The following RAPGEF6 variants were observed in gnomAD, a reference collection of about 807,000 sequenced individuals.
The protein encoded by RAPGEF6 is PDZ domain containing guanine nucleotide exchange factor (GEF) 2.
Under a neutral mutation model 171.4 loss-of-function variants are expected in RAPGEF6, and 56 were observed. That is an observed-to-expected ratio of 0.33 (90% confidence interval 0.26 to 0.41). The LOEUF is 0.41. RAPGEF6 is among the 10% of genes least tolerant of loss of function. The probability of loss-of-function intolerance (pLI) is 1.00; values close to 1 mark genes in which losing one functional copy is unlikely to be tolerated. For synonymous variants in RAPGEF6, 692 were observed against 650.1 expected, an observed-to-expected ratio of 1.06 and a Z score of -0.98; for missense variants, 1,674 against 1,921.4, an observed-to-expected ratio of 0.87 and a Z score of 2.41.
chr5:131,436,006 T>C, intron 24 of RAPGEF6: 1 of 1,536,676 alleles, frequency 6.5e-7, no homozygotes, highest in Non-Finnish European at 8.7e-7. Context: ...GTTTAAAGTG[T>C]TACTGTTGCC....
At chr5:131,560,340 G>C (rs1761521395) in intron 5 of RAPGEF6, among the ~76,000 whole-genome samples, 2 of 152,098 alleles carry the variant, frequency 1.3e-5, no homozygotes, top group Admixed American at 6.6e-5. Flanking sequence ...TGCATATTTT[G>C]AATTCATCAA....
chr5:131,599,881 G>C (rs1561595712), intron 3 of RAPGEF6, among the ~76,000 whole-genome samples: 1 of 152,154 alleles, frequency 6.6e-6, no homozygotes, highest in Non-Finnish European at 1.5e-5. Flanking sequence ...ATAGAGAAAT[G>C]ATTTATTCAA....
At chr5:131,487,327 G>A (rs1260744294) in intron 15 of RAPGEF6, among the ~76,000 whole-genome samples, 1 of 152,226 alleles carries the variant, frequency 6.6e-6, no homozygotes. Context: ...GGTGGAAGGG[G>A]ACCCTGGCAG....
chr5:131,451,606 C>T (rs188908938), intron 21 of RAPGEF6, among the ~76,000 whole-genome samples: 4 of 151,916 alleles, frequency 2.6e-5, no homozygotes, highest in Admixed American at 2.6e-4. Context: ...ACAAAGATCC[C>T]TAAACAACAA....
intron 1 of RAPGEF6, among the ~76,000 whole-genome samples, chr5:131,604,959 G>A (rs1225613618): frequency 1.3e-5 from 2 of 152,148 alleles, no homozygotes; most frequent in African/African-American, 4.8e-5. Flanking sequence ...TTATATGAAA[G>A]TATATTAATT....
intron 18 of RAPGEF6, chr5:131,463,687 A>T (rs1040877610): frequency 2.2e-6 from 2 of 903,664 alleles, no homozygotes. Context: ...TTTCCTGCAT[A>T]TTCATTAAAG....
intron 23 of RAPGEF6, among the ~76,000 whole-genome samples, chr5:131,441,891 G>GA (rs917891905): frequency 2.3e-4 from 35 of 150,636 alleles, no homozygotes; most frequent in East Asian, 1.6e-3. Context: ...TGGCCTAACA[G>GA]AAAAAAAAAG....
chr5:131,547,575 T>C (rs1760634279), intron 6 of RAPGEF6, among the ~76,000 whole-genome samples: 1 of 151,168 alleles, frequency 6.6e-6, no homozygotes, highest in Non-Finnish European at 1.5e-5. Context: ...AGTGGTGTGA[T>C]ACTGGCTCAC....
chr5:131,587,500 A>C (rs1373857117), intron 4 of RAPGEF6, among the ~76,000 whole-genome samples: 1 of 152,066 alleles, frequency 6.6e-6, no homozygotes, highest in Non-Finnish European at 1.5e-5. Flanking sequence ...ACAAACATTC[A>C]ATGTATAGTA....
At chr5:131,495,714 C>A in intron 12 of RAPGEF6, 54 bp from the exon 13 acceptor site, 1 of 1,559,786 alleles carries the variant, frequency 6.4e-7, no homozygotes, top group Non-Finnish European at 8.7e-7. Context: ...TCCTTCTGCA[C>A]AAGTGGATTC....
chr5:131,460,533 C>T (rs1179114377), intron 19 of RAPGEF6, among the ~76,000 whole-genome samples: 3 of 152,158 alleles, frequency 2.0e-5, no homozygotes, highest in Non-Finnish European at 4.4e-5. Flanking sequence ...CATTTCTAGC[C>T]TTCCAAGTGT....
At chr5:131,536,558 G>T (rs1021430359) in intron 6 of RAPGEF6, among the ~76,000 whole-genome samples, 1 of 152,080 alleles carries the variant, frequency 6.6e-6, no homozygotes, top group African/African-American at 2.4e-5. Flanking sequence ...ACAGCCACCA[G>T]CTGGACACAC....
intron 5 of RAPGEF6, among the ~76,000 whole-genome samples, chr5:131,558,440 T>C (rs1761381198): frequency 6.6e-6 from 1 of 152,128 alleles, no homozygotes; most frequent in Non-Finnish European, 1.5e-5. Flanking sequence ...ACCTTGTCCT[T>C]TGTCAATCCT....
chr5:131,573,301 G>C (rs1293902113), intron 4 of RAPGEF6, among the ~76,000 whole-genome samples: 1 of 152,064 alleles, frequency 6.6e-6, no homozygotes, highest in Non-Finnish European at 1.5e-5. Flanking sequence ...TCCTCTTACA[G>C]AGGTGGCTGG....
chr5:131,493,740 G>A (rs908983100), intron 13 of RAPGEF6, among the ~76,000 whole-genome samples: 1 of 151,660 alleles, frequency 6.6e-6, no homozygotes, highest in Non-Finnish European at 1.5e-5. Context: ...ATGTCTTTGA[G>A]TATAAAGTAG....
At chr5:131,521,814 T>C (rs1303733011) in intron 6 of RAPGEF6, among the ~76,000 whole-genome samples, 1 of 148,818 alleles carries the variant, frequency 6.7e-6, no homozygotes, top group Non-Finnish European at 1.5e-5. Context: ...ATCAGACCTG[T>C]CCATTTAAGG....
intron 6 of RAPGEF6, among the ~76,000 whole-genome samples, chr5:131,543,398 T>G (rs1760286097): frequency 6.6e-6 from 1 of 152,198 alleles, no homozygotes; most frequent in Non-Finnish European, 1.5e-5. Flanking sequence ...GAAAAAATAC[T>G]GCGTTTACAG....
At chr5:131,547,015 T>C (rs936512426) in intron 6 of RAPGEF6, among the ~76,000 whole-genome samples, 1 of 152,152 alleles carries the variant, frequency 6.6e-6, no homozygotes, top group African/African-American at 2.4e-5. Context: ...AAAACAGAAA[T>C]TGTTAAATAG....
At chr5:131,472,446 C>T in intron 17 of RAPGEF6, 141 bp downstream of exon 17, 1 of 923,530 alleles carries the variant, frequency 1.1e-6, no homozygotes, top group Non-Finnish European at 1.7e-6. Flanking sequence ...ACAAGTCAAT[C>T]TCCCTTTAGT....
Sources: gnomAD v4.1 joint callset for allele counts (sites outside exome capture counted in the v4.1 genomes callset) on GRCh38, gnomAD v4.1.1 for gene constraint, MANE v1.5 for transcripts, NCBI Gene and HGNC (gene_info 2026-07-23, HGNC 2026-07-21) for gene names.